Variants in PCDH10 observed in about 807,000 individuals in gnomAD.
PCDH10 encodes protocadherin-10.
A neutral mutation model predicts 74.4 loss-of-function variants in PCDH10; 15 were observed. The ratio of observed to expected loss-of-function variants is 0.20; its 90% CI spans 0.13 to 0.31. PCDH10 has a LOEUF of 0.31. Ranked by LOEUF, PCDH10 falls within the 10% of genes least tolerant of loss-of-function variation. The pLI is 1.00. For synonymous variants in PCDH10, 619 were observed against 589.8 expected, an observed-to-expected ratio of 1.05 and a Z score of -0.72; for missense variants, 1,260 against 1,390.2, an observed-to-expected ratio of 0.91 and a Z score of 1.49.
Position 133,151,226 on chromosome 4 carries a change from C to G in PCDH10, c.1086C>G (p.Thr362=), listed in dbSNP as rs1375377083. The G allele has an allele frequency of 2.7e-5, 44 of 1,614,030 alleles. No individual in the cohort carries two copies. The highest frequency in any genetic ancestry group is 1.6e-4 in the Middle Eastern group (1 of 6,084). The part of the protein sequence containing the change: ...NDNAPEISFS[T]VKEAVSEGAA... ...ACGCGCCAGAGATCAGCTTCAGCAC[C>G]GTGAAGGAAGCGGTGAGTGAGGGCG... Residue 362 remains threonine, a synonymous_variant, in exon 1 of 5, where the codon ACC becomes ACG. Coordinates refer to ENST00000264360, the MANE Select transcript of PCDH10 (RefSeq NM_032961.3).
chr4:133,170,670 A>G (rs1727184457), intron 4 of PCDH10, among the ~76,000 whole-genome samples: 2 of 146,414 alleles, frequency 1.4e-5, no homozygotes, highest in South Asian at 4.2e-4. Flanking sequence ...ACATGATTCA[A>G]TTCATTTTAG....
At chr4:133,199,289 A>T (rs868058246), downstream of PCDH10, among the ~76,000 whole-genome samples, 4 of 136,676 alleles carry the variant, frequency 2.9e-5, no homozygotes, top group East Asian at 2.1e-4. Flanking sequence ...CCCTGTCTCA[A>T]AATAATAATA....
chr4:133,159,720 C>T (rs1307419566), intron 3 of PCDH10, among the ~76,000 whole-genome samples: 1 of 151,716 alleles, frequency 6.6e-6, no homozygotes, highest in East Asian at 1.9e-4. Context: ...ATTTTCTGTT[C>T]TAAAATCCCA....
At chr4:133,205,501 A>G (rs1727982626) in intron 2 of PCDH10, among the ~76,000 whole-genome samples, 1 of 152,122 alleles carries the variant, frequency 6.6e-6, no homozygotes, top group African/African-American at 2.4e-5. Flanking sequence ...TTGACGGTCC[A>G]TTTTCATCCA....
intron 4 of PCDH10, among the ~76,000 whole-genome samples, chr4:133,170,022 T>C (rs1218691940): frequency 6.6e-6 from 1 of 152,054 alleles, no homozygotes; most frequent in African/African-American, 2.4e-5. Context: ...TAGGTTTGTA[T>C]TGAGTTTCAA....
chr4:133,162,294 T>A (rs1251076548), intron 3 of PCDH10, among the ~76,000 whole-genome samples: 2 of 152,194 alleles, frequency 1.3e-5, no homozygotes, highest in East Asian at 1.9e-4. Context: ...TGGTAAATAA[T>A]AAGTGGTTTT....
At chr4:133,166,362 TC>T (rs1727081318) in intron 4 of PCDH10, among the ~76,000 whole-genome samples, 1 of 151,560 alleles carries the variant, frequency 6.6e-6, no homozygotes, top group African/African-American at 2.4e-5. Flanking sequence ...CTTTAAATAA[TC>T]ATGTTAAAAT....
chr4:133,183,522 A>G (rs1353347947), intron 4 of PCDH10, among the ~76,000 whole-genome samples: 1 of 152,152 alleles, frequency 6.6e-6, no homozygotes, highest in Non-Finnish European at 1.5e-5. Context: ...AAAAGCTCCT[A>G]TTTTTAAAGC....
At chr4:133,200,697 G>T (rs1727892287) in intron 2 of PCDH10, among the ~76,000 whole-genome samples, 1 of 152,094 alleles carries the variant, frequency 6.6e-6, no homozygotes, top group Non-Finnish European at 1.5e-5. Context: ...TGAAGAAAAT[G>T]ACACAAATAT....
At position 133,151,086 on chromosome 4, in the gene PCDH10, T is replaced by A. The variant is rs374912193; in HGVS notation, c.946T>A (p.Leu316Met). 3.1e-6 allele frequency: 5 copies of A among 1,613,766 alleles called. No homozygotes were observed. The highest frequency in any genetic ancestry group is 4.2e-6 in the Non-Finnish European group (5 of 1,179,992). Residue 316 changes from leucine to methionine, a missense_variant, in exon 1 of 5, where the codon TTG (leucine) becomes ATG (methionine). Physicochemically the swap from Leu to Met is conservative, Grantham distance 15. Transcript: ENST00000264360. Reference sequence around the variant, plus strand: ...TGGCAGACTGGAGGTAAGCGGCGAGTTGGACTATGAAGAGAGCCCAGTGTA... The same window carrying A: ...TGGCAGACTGGAGGTAAGCGGCGAGATGGACTATGAAGAGAGCCCAGTGTA... The part of the protein sequence containing the change: ...RTGRLEVSGE[L>M]DYEESPVYQV...
chr4:133,161,760 A>C (rs1726975714), intron 3 of PCDH10, among the ~76,000 whole-genome samples: 1 of 152,078 alleles, frequency 6.6e-6, no homozygotes, highest in East Asian at 1.9e-4. Context: ...TTTAAAAAAT[A>C]AAGTGGCCTA....
intron 4 of PCDH10, among the ~76,000 whole-genome samples, chr4:133,184,785 A>AT (rs1578574698): frequency 6.2e-5 from 5 of 80,106 alleles, no homozygotes; most frequent in South Asian, 7.7e-4. Context: ...TATATATATA[A>AT]ATATATATAT....
In PCDH10 at chr4:133,191,723, T is replaced by C. The variant is rs1727674100; in HGVS notation, c.*1563T>C. 1 of 151,698 alleles carries C rather than the reference T, an allele frequency of 6.6e-6. No individual in the cohort carries two copies. Among genetic ancestry groups the C allele is most frequent in the Non-Finnish European group, 1.5e-5 (1 of 67,702 alleles). 9.4% of individuals were successfully genotyped at this position (151,698 alleles called of 1,614,324 possible). ...GCTCCCCTCGCCCTCTAAACTATGA[T>C]ATCAAAACATCATATCAAAGCTTCA... On this transcript the variant is annotated 3_prime_UTR_variant, in exon 5 of 5. Transcript: ENST00000264360.
chr4:133,195,221 T>A (rs976555420), downstream of PCDH10, among the ~76,000 whole-genome samples: 5 of 152,090 alleles, frequency 3.3e-5, no homozygotes, highest in African/African-American at 1.2e-4. Context: ...GAAACGTTCT[T>A]CTTAATCTCA....
At chr4:133,161,478 A>G (rs569141022) in intron 3 of PCDH10, among the ~76,000 whole-genome samples, 45 of 151,994 alleles carry the variant, frequency 3.0e-4, no homozygotes, top group Non-Finnish European at 5.6e-4. Flanking sequence ...TGCAGATAAC[A>G]TATACACAAA....
chr4:133,181,621 C>T (rs886684180), intron 4 of PCDH10, among the ~76,000 whole-genome samples: 4 of 151,984 alleles, frequency 2.6e-5, no homozygotes, highest in South Asian at 2.1e-4. Context: ...GTTATCAGAA[C>T]GTGTAGTCTT....
rs1308463458 is a variant in PCDH10 at position 133,151,547 on chromosome 4, C to G, written c.1407C>G (p.Asp469Glu). ...CGCGTTTCAGCCAGCCGGTCTACGACGTGTATGTGACTGAAAACAACGTGC... is the reference window on the plus strand; with the variant it reads ...CGCGTTTCAGCCAGCCGGTCTACGAGGTGTATGTGACTGAAAACAACGTGC... ...NAPRFSQPVY[D>E]VYVTENNVPG... The change falls in exon 1 of 5, where the codon GAC becomes GAG. Residue 469 changes from aspartate to glutamate, a missense_variant. Asp to Glu is a conservative substitution (Grantham distance 45, BLOSUM62 2). Transcript: ENST00000264360. 1.9e-6 allele frequency: 3 copies of G among 1,613,946 alleles called. No individual in the cohort carries two copies. Among genetic ancestry groups the G allele is most frequent in the South Asian group, 1.1e-5 (1 of 91,076 alleles).
intron 3 of PCDH10, among the ~76,000 whole-genome samples, chr4:133,159,092 A>G (rs1726916743): frequency 1.3e-5 from 2 of 152,124 alleles, no homozygotes; most frequent in South Asian, 4.1e-4. Flanking sequence ...CAAAAAATGA[A>G]AAGTTTTATA....
At chr4:133,202,577 T>C (rs965697770) in intron 2 of PCDH10, among the ~76,000 whole-genome samples, 1 of 152,152 alleles carries the variant, frequency 6.6e-6, no homozygotes, top group Non-Finnish European at 1.5e-5. Flanking sequence ...TGTGTCTCTG[T>C]GGGGCAAGAG....
Sources: allele counts gnomAD v4.1 joint callset (sites outside exome capture counted in the v4.1 genomes callset), GRCh38; gene constraint gnomAD v4.1.1; transcripts MANE v1.5; gene names NCBI Gene and HGNC (gene_info 2026-07-23, HGNC 2026-07-21).